PKIB: variants seen among roughly 807,000 people sequenced by gnomAD.
The protein encoded by PKIB is cAMP-dependent protein kinase inhibitor beta.
A neutral mutation model predicts 4.5 loss-of-function variants in PKIB; 2 were observed. The ratio of observed to expected loss-of-function variants is 0.44; its 90% CI spans 0.18 to 1.39. The LOEUF (loss-of-function observed/expected upper bound fraction) is 1.39. Ranked by LOEUF, PKIB falls within the 40% of genes most tolerant of loss-of-function variation. The pLI is 0.27. For synonymous variants in PKIB, 38 were observed against 36.0 expected, an observed-to-expected ratio of 1.06 and a Z score of -0.20; for missense variants, 94 against 92.6, an observed-to-expected ratio of 1.02 and a Z score of -0.06.
At chr6:122,507,410 A>G (rs1244829954) in intron 2 of PKIB, among the ~76,000 whole-genome samples, 2 of 152,206 alleles carry the variant, frequency 1.3e-5, no homozygotes, top group African/African-American at 2.4e-5. Context: ...TCTAATAGGT[A>G]TAATTTTGGT....
At chr6:122,604,299 A>G (rs1201139549) in intron 3 of PKIB, among the ~76,000 whole-genome samples, 1 of 152,236 alleles carries the variant, frequency 6.6e-6, no homozygotes, top group Non-Finnish European at 1.5e-5. Context: ...CCCCAAACAC[A>G]TGGAGGAAAG....
At chr6:122,601,598 C>CTCCTCT (rs1256309694) in intron 3 of PKIB, among the ~76,000 whole-genome samples, 3 of 152,208 alleles carry the variant, frequency 2.0e-5, no homozygotes, top group Admixed American at 6.5e-5. Context: ...AGACCAACCC[C>CTCCTCT]TCCTCTTCCT....
At chr6:122,576,710 A>ATATATATATATATATATATTTT (rs59569106) in intron 2 of PKIB, among the ~76,000 whole-genome samples, 1 of 109,988 alleles carries the variant, frequency 9.1e-6, no homozygotes, top group African/African-American at 4.0e-5. Context: ...ATATATATAT[A>ATATATATATATATATATATTTT]TTTTCTTTTG....
chr6:122,514,231 C>T (rs1206094123), intron 2 of PKIB, among the ~76,000 whole-genome samples: 1 of 152,130 alleles, frequency 6.6e-6, no homozygotes, highest in African/African-American at 2.4e-5. Flanking sequence ...AAAAAAAATT[C>T]TTTCTTTGAG....
chr6:122,507,385 G>A (rs1212900627), intron 2 of PKIB, among the ~76,000 whole-genome samples: 1 of 152,176 alleles, frequency 6.6e-6, no homozygotes, highest in Non-Finnish European at 1.5e-5. Flanking sequence ...ATTAAAGGCA[G>A]AAATGGGACA....
chr6:122,654,003 A>T (rs1260336566), intron 2 of PKIB, among the ~76,000 whole-genome samples: 2 of 152,138 alleles, frequency 1.3e-5, no homozygotes, highest in Non-Finnish European at 2.9e-5. Context: ...CCTAACAATC[A>T]ACAGTTCCCT....
chr6:122,510,388 A>G (rs1412038457), intron 2 of PKIB, among the ~76,000 whole-genome samples: 2 of 152,190 alleles, frequency 1.3e-5, no homozygotes, highest in Non-Finnish European at 2.9e-5. Context: ...TGTTTAACAT[A>G]CCCTGAGGCA....
chr6:122,676,435 T>G (rs1279914689), intron 3 of PKIB, among the ~76,000 whole-genome samples: 1 of 151,996 alleles, frequency 6.6e-6, no homozygotes. Context: ...ATGGCCCAAG[T>G]GTAAAGAAGA....
intron 1 of PKIB, among the ~76,000 whole-genome samples, chr6:122,624,811 G>A (rs1775372618): frequency 6.6e-6 from 1 of 152,176 alleles, no homozygotes; most frequent in Admixed American, 6.5e-5. Context: ...CTTTGCAAAA[G>A]ATCCACTCTG....
rs537060623 is a variant in PKIB, at chr6:122,500,640, A to G, written c.-248+22701A>G. Among the ~76,000 whole-genome samples the G allele has an allele frequency of 1.8e-4, 28 of 152,316 alleles. No individual in the cohort carries two copies. In the South Asian group the frequency reaches 5.8e-3, roughly 32 times the overall value. On this transcript the variant is annotated intron_variant, in intron 2 of 6. Transcript: ENST00000392491. ...CCTAGATATGGCCAATTCCTAGAAAACAAGTAGGCATTGCATTTTCTTAGA... is the reference window on the plus strand; with the variant it reads ...CCTAGATATGGCCAATTCCTAGAAAGCAAGTAGGCATTGCATTTTCTTAGA...
intron 4 of PKIB, among the ~76,000 whole-genome samples, chr6:122,722,609 G>A (rs1006588825): frequency 2.0e-5 from 3 of 152,092 alleles, no homozygotes; most frequent in Non-Finnish European, 2.9e-5. Flanking sequence ...TTAGTGTTTT[G>A]TATTTCATAT....
At chr6:122,691,325 G>C (rs1175669150) in intron 3 of PKIB, among the ~76,000 whole-genome samples, 3 of 151,840 alleles carry the variant, frequency 2.0e-5, no homozygotes, top group African/African-American at 7.3e-5. Context: ...TCTTAGATTT[G>C]CCTTTTTGAG....
At chr6:122,527,419 G>T (rs954740281) in intron 2 of PKIB, among the ~76,000 whole-genome samples, 1 of 151,896 alleles carries the variant, frequency 6.6e-6, no homozygotes, top group Non-Finnish European at 1.5e-5. Flanking sequence ...ATCATTTGTA[G>T]GTTTTGATTT....
chr6:122,665,055 G>A (rs921659241), intron 2 of PKIB, among the ~76,000 whole-genome samples: 13 of 152,224 alleles, frequency 8.5e-5, no homozygotes, highest in East Asian at 1.9e-4. Context: ...TTATATAAAT[G>A]CTTCTCCAGT....
intron 3 of PKIB, among the ~76,000 whole-genome samples, chr6:122,594,770 C>G (rs1287811261): frequency 6.6e-6 from 1 of 152,112 alleles, no homozygotes; most frequent in Non-Finnish European, 1.5e-5. Context: ...CTGGATTGGG[C>G]TGTTGTAGTT....
chr6:122,536,188 C>A (rs370583940), intron 2 of PKIB, among the ~76,000 whole-genome samples: 2 of 152,174 alleles, frequency 1.3e-5, no homozygotes, highest in Non-Finnish European at 2.9e-5. Flanking sequence ...GATCCACCTG[C>A]CTTGGCCTCC....
At chr6:122,656,124 CAAATA>C (rs1776767822) in intron 2 of PKIB, among the ~76,000 whole-genome samples, 1 of 151,966 alleles carries the variant, frequency 6.6e-6, no homozygotes, top group African/African-American at 2.4e-5. Context: ...TTAGCACTTA[CAAATA>C]TTTATATATA....
intron 3 of PKIB, chr6:122,701,499 G>C: frequency 1.3e-6 from 2 of 1,596,758 alleles, no homozygotes; most frequent in Non-Finnish European, 1.7e-6. Context: ...TGTCACACCA[G>C]GGTATAGTTA....
intron 2 of PKIB, among the ~76,000 whole-genome samples, chr6:122,670,294 T>G (rs1234522779): frequency 2.6e-5 from 4 of 152,138 alleles, no homozygotes; most frequent in Non-Finnish European, 5.9e-5. Flanking sequence ...ACTTTCTATT[T>G]CTATAGAAAG....
Sources: allele counts gnomAD v4.1 joint callset (sites outside exome capture counted in the v4.1 genomes callset), GRCh38; gene constraint gnomAD v4.1.1; transcripts MANE v1.5; gene names NCBI Gene and HGNC (gene_info 2026-07-23, HGNC 2026-07-21).